ZNF69: variants seen among roughly 807,000 people sequenced by gnomAD.
ZNF69 encodes the protein ZNF3.
ZNF69 carries 47 observed loss-of-function variants against 50.9 expected under a neutral mutation model. The observed-to-expected ratio is 0.92, with a 90% CI of 0.73 to 1.18. ZNF69 has a LOEUF of 1.18. ZNF69 is among the 50% of genes most tolerant of loss of function. The pLI, the probability that ZNF69 is intolerant of heterozygous loss-of-function variation, is 0.00. For synonymous variants in ZNF69, 216 were observed against 223.1 expected (o/e 0.97, Z 0.29); for missense variants, 717 against 675.1 (o/e 1.06, Z -0.69).
the ZNF69 span, among the ~76,000 whole-genome samples, chr19:11,929,750 C>T: frequency 6.8e-6 from 1 of 148,024 alleles, no homozygotes; most frequent in African/African-American, 2.6e-5. Flanking sequence ...AAATCCTCCA[C>T]CCTCATACCA....
At chr19:11,913,398 T>A (rs1972486101) in intron 4 of ZNF69, 1 of 605,988 alleles carries the variant, frequency 1.7e-6, no homozygotes, top group East Asian at 3.2e-5. Flanking sequence ...CTTATCTTTT[T>A]TTTTTTCCAG....
rs770897060 is a variant in ZNF69, at chr19:11,903,651, C to A, written c.142C>A (p.Leu48Ile). The change falls in exon 2 of 4, where the codon CTC (leucine) becomes ATC (isoleucine). Residue 48 changes from leucine to isoleucine, a missense_variant. Transcript: ENST00000429654. Reference protein sequence around the residue: ...WALLDISQRKLYKEVMLETFR... With the variant: ...WALLDISQRKIYKEVMLETFR... ...TTTGCTGGATATTTCCCAGAGGAAA[C>A]TCTACAAGGAAGTGATGCTGGAAAC... The A allele has an allele frequency of 5.0e-6, 8 of 1,614,154 alleles. No homozygotes were observed. The highest frequency in any genetic ancestry group is 6.8e-6 in the Non-Finnish European group (8 of 1,180,026).
At chr19:11,960,021 TG>T in the ZNF69 span, among the ~76,000 whole-genome samples, 2 of 151,778 alleles carry the variant, frequency 1.3e-5, no homozygotes, top group East Asian at 3.9e-4. Context: ...TTGACTAATT[TG>T]TAGTGTTTTT....
chr19:11,947,424 A>G, the ZNF69 span: 3 of 1,600,592 alleles, frequency 1.9e-6, no homozygotes, highest in African/African-American at 4.0e-5. Context: ...TAAATGAGGC[A>G]TGGCTGCAGT....
At chr19:11,947,092 A>G in the ZNF69 span, 2 of 1,535,284 alleles carry the variant, frequency 1.3e-6, no homozygotes, top group Admixed American at 2.3e-5. Context: ...TGGAGTCCAC[A>G]GCATCCTGAG....
chr19:11,978,864 T>A, the ZNF69 span: 1 of 1,614,180 alleles, frequency 6.2e-7, no homozygotes, highest in South Asian at 1.1e-5. Flanking sequence ...GCCCTGTGAA[T>A]GTAGCAAATG....
At chr19:11,891,415 GGGAA>G (rs1477947147) in intron 1 of ZNF69, among the ~76,000 whole-genome samples, 1 of 150,740 alleles carries the variant, frequency 6.6e-6, no homozygotes. Context: ...AAGGGAGGGA[GGGAA>G]GGAAGGAAGA....
chr19:11,938,858 C>T, the ZNF69 span, among the ~76,000 whole-genome samples: 32 of 152,118 alleles, frequency 2.1e-4, no homozygotes, highest in Admixed American at 2.1e-3. Flanking sequence ...TAAAAGTGTT[C>T]CTATTTCTCC....
At position 11,903,678 on chromosome 19, in the gene ZNF69, T is replaced by C; in HGVS notation, c.169T>C (p.Phe57Leu). Residue 57 changes from phenylalanine (F) to leucine (L), a missense_variant, in exon 2 of 4, where the codon TTC becomes CTC. Physicochemically the swap from Phe to Leu is conservative, Grantham distance 22. Transcript: ENST00000429654. ...KLYKEVMLET[F>L]RNLTSVGKSW... ...CTACAAGGAAGTGATGCTGGAAACTTTCAGGAACCTGACCTCTGTAGGTAA... is the reference window on the plus strand; with the variant it reads ...CTACAAGGAAGTGATGCTGGAAACTCTCAGGAACCTGACCTCTGTAGGTAA... 6.2e-7 allele frequency: 1 copy of C among 1,614,086 alleles called. No individual in the cohort carries two copies. The highest frequency in any genetic ancestry group is 8.5e-7 in the Non-Finnish European group (1 of 1,179,972).
At position 11,892,186 on chromosome 19, in the gene ZNF69, C is replaced by CCTAG. The variant is rs1977109680; in HGVS notation, c.63+4201_63+4204dup. Among the ~76,000 whole-genome samples the CCTAG allele has an allele frequency of 4.9e-5, 7 of 142,606 alleles. No individual in the cohort carries two copies. In the South Asian group the frequency reaches 1.5e-3, roughly 32 times the overall value. 93.6% of individuals were successfully genotyped at this position (142,606 alleles called of 152,430 possible). On this transcript the variant is annotated intron_variant, in intron 1 of 3. Coordinates refer to ENST00000429654, the MANE Select transcript of ZNF69 (RefSeq NM_001364730.1). The stretch of plus-strand genomic sequence containing the variant: ...ATGCAGGTGGCATCTTGATATGTTG[C>CCTAG]CTAGGCTGGTCTCTAGCTCCTGGCC...
chr19:11,958,606 G>A, the ZNF69 span, among the ~76,000 whole-genome samples: 1 of 152,204 alleles, frequency 6.6e-6, no homozygotes, highest in South Asian at 2.1e-4. Context: ...GGGGCTACAA[G>A]GGTGTTAGTA....
chr19:11,945,890 CT>C, the ZNF69 span, among the ~76,000 whole-genome samples: 2 of 152,176 alleles, frequency 1.3e-5, no homozygotes, highest in African/African-American at 4.8e-5. Flanking sequence ...TCATGTACCC[CT>C]ATAGTACAAG....
In ZNF69 at chr19:11,903,686, C is replaced by T. The variant is rs753445169; in HGVS notation, c.177C>T (p.Asn59=). 1.2e-5 allele frequency: 19 copies of T among 1,614,012 alleles called. No homozygotes were observed. Among genetic ancestry groups the T allele is most frequent in the Non-Finnish European group, 1.5e-5 (18 of 1,179,962 alleles). ...AAGTGATGCTGGAAACTTTCAGGAA[C>T]CTGACCTCTGTAGGTAAGGATGACA... ...YKEVMLETFR[N]LTSVGKSWKD... The change falls in exon 2 of 4, where the codon AAC becomes AAT. Residue 59 remains asparagine, a synonymous_variant. Transcript: ENST00000429654.
At chr19:11,969,163 G>A in the ZNF69 span, among the ~76,000 whole-genome samples, 5 of 152,166 alleles carry the variant, frequency 3.3e-5, no homozygotes, top group Non-Finnish European at 7.3e-5. Flanking sequence ...GGAGTGCAGC[G>A]GCGTGATCTC....
At chr19:11,898,150 T>C (rs1972167145) in intron 1 of ZNF69, among the ~76,000 whole-genome samples, 1 of 152,132 alleles carries the variant, frequency 6.6e-6, no homozygotes, top group African/African-American at 2.4e-5. Context: ...TGGGTATGCA[T>C]CCTCATCAGT....
chr19:11,953,260 A>G, the ZNF69 span: 11 of 152,408 alleles, frequency 7.2e-5, no homozygotes, highest in African/African-American at 2.2e-4. Flanking sequence ...AGCCAAAGAC[A>G]GTAACAATAG....
rs1203929914 is a variant in ZNF69, at chr19:11,905,902, G to A, written c.1505G>A (p.Gly502Glu). The change falls in exon 4 of 4, where the codon GGA becomes GAA. Residue 502 changes from glycine (G) to glutamate (E), a missense_variant. Coordinates refer to ENST00000429654, the MANE Select transcript of ZNF69 (RefSeq NM_001364730.1). The stretch of plus-strand genomic sequence containing the variant: ...CAAAGACATGAAAAAACTCACACTG[G>A]AGAGAAACTCTATGAATGCAAGCAA... Reference protein sequence around the residue: ...SLQRHEKTHTGEKLYECKQCG... With the variant: ...SLQRHEKTHTEEKLYECKQCG... 5.0e-6 allele frequency: 8 copies of A among 1,613,862 alleles called. No individual in the cohort carries two copies.
chr19:11,924,431 C>CAA, the ZNF69 span, among the ~76,000 whole-genome samples: 1,809 of 65,076 alleles, frequency 0.028, 69 homozygotes, highest in African/African-American at 0.078. Flanking sequence ...GACTCCGTCT[C>CAA]AAAAAAAAAA....
the ZNF69 span, among the ~76,000 whole-genome samples, chr19:11,944,005 C>T: frequency 6.6e-6 from 1 of 152,104 alleles, no homozygotes; most frequent in Non-Finnish European, 1.5e-5. Context: ...GGGATTCCCT[C>T]TACCTTCACG....
Sources: gnomAD v4.1 joint callset for allele counts (sites outside exome capture counted in the v4.1 genomes callset) on GRCh38, gnomAD v4.1.1 for gene constraint, MANE v1.5 for transcripts, NCBI Gene and HGNC (gene_info 2026-07-23, HGNC 2026-07-21) for gene names.